Variants in FAM184A observed in about 807,000 individuals in gnomAD.
FAM184A encodes family with sequence similarity 184 member A.
FAM184A carries 99 observed loss-of-function variants against 143.8 expected under a neutral mutation model. The ratio of observed to expected loss-of-function variants is 0.69; its 90% CI spans 0.58 to 0.81. The LOEUF (loss-of-function observed/expected upper bound fraction) is 0.81. Among genes scored for constraint, FAM184A ranks in the 40% least tolerant of loss-of-function variants. FAM184A has a pLI of 0.00. For missense variants in FAM184A, 1,217 were observed against 1,310.5 expected (o/e 0.93, Z 1.10); for synonymous variants, 427 against 446.4 (o/e 0.96, Z 0.55).
At chr6:119,108,198 T>C (rs971376138) in intron 1 of FAM184A, among the ~76,000 whole-genome samples, 1 of 151,418 alleles carries the variant, frequency 6.6e-6, no homozygotes, top group African/African-American at 2.4e-5. Context: ...TTTTCTTCCT[T>C]GTTTGTAGTA....
At position 119,112,623 on chromosome 6, in the gene FAM184A, TC is replaced by T. The variant is rs554353184; in HGVS notation, c.-202+36454del. 1.9e-3 allele frequency among the ~76,000 whole-genome samples: 284 copies of T among 152,338 alleles called. 2 individuals are homozygous for T. The highest frequency in any genetic ancestry group is 6.7e-3 in the African/African-American group (277 of 41,570). On this transcript the variant is annotated intron_variant, in intron 1 of 16. Transcript: ENST00000352896. Reference sequence around the variant, plus strand: ...TCCACCCCCACACTTGCAATTCAGATCGTCAGTGGCTATTACCTGTTATACC... The same window carrying T: ...TCCACCCCCACACTTGCAATTCAGATGTCAGTGGCTATTACCTGTTATACC...
chr6:119,146,005 T>A (rs1392855925), intron 1 of FAM184A, among the ~76,000 whole-genome samples: 3 of 152,170 alleles, frequency 2.0e-5, no homozygotes, highest in Non-Finnish European at 4.4e-5. Flanking sequence ...CACAGGTATT[T>A]CCCCAAATGT....
intron 5 of FAM184A, among the ~76,000 whole-genome samples, chr6:119,014,626 C>A (rs1279574277): frequency 6.6e-6 from 1 of 152,152 alleles, no homozygotes; most frequent in Non-Finnish European, 1.5e-5. Context: ...AGAACAAAAA[C>A]AGTGTTTCTA....
Position 119,018,497 on chromosome 6 carries a change from G to A in FAM184A, c.1332+1481C>T, listed in dbSNP as rs548303182. Among the ~76,000 whole-genome samples, 4 of 152,316 alleles carry A rather than the reference G, an allele frequency of 2.6e-5. No homozygotes were observed. In the South Asian group the frequency reaches 8.3e-4, roughly 32 times the overall value. ...GCTAAGCAGTCTGGATAGAATACAG[G>A]ATACAAGGTGATAAAGTGGTGAAAG... is the stretch of plus-strand genomic sequence containing the variant. On this transcript the variant is annotated intron_variant, in intron 4 of 17. Transcript: ENST00000338891.
upstream of FAM184A, among the ~76,000 whole-genome samples, chr6:119,082,105 G>A (rs1163740712): frequency 6.6e-6 from 1 of 152,180 alleles, no homozygotes; most frequent in Non-Finnish European, 1.5e-5. Context: ...AGGTCCATGG[G>A]CATAGGCCTG....
At chr6:119,100,729 G>A (rs1009745881) in intron 1 of FAM184A, among the ~76,000 whole-genome samples, 1 of 151,994 alleles carries the variant, frequency 6.6e-6, no homozygotes, top group Non-Finnish European at 1.5e-5. Flanking sequence ...GGCCGAGGTG[G>A]GCAGATGACT....
rs115088593 is a variant in FAM184A, at chr6:118,966,012, C to G, written c.3033+823G>C. Among the ~76,000 whole-genome samples, 819 of 152,238 alleles carry G rather than the reference C, an allele frequency of 5.4e-3. 8 individuals are homozygous for G. The highest frequency in any genetic ancestry group is 0.019 in the African/African-American group (791 of 41,546). ...TTGAAGCAGCACACACTCATCTCTC[C>G]AAAGCCTGCTCCTGGATTCTACCTG... On this transcript the variant is annotated intron_variant, in intron 15 of 17. Coordinates refer to ENST00000338891, the MANE Select transcript of FAM184A (RefSeq NM_024581.6).
At chr6:119,002,574 A>G (rs1175908766) in intron 9 of FAM184A, among the ~76,000 whole-genome samples, 2 of 152,148 alleles carry the variant, frequency 1.3e-5, no homozygotes, top group Non-Finnish European at 2.9e-5. Flanking sequence ...CCCAAACAGT[A>G]TCTAAGGACA....
chr6:119,121,158 GT>G (rs1789203179), intron 1 of FAM184A, among the ~76,000 whole-genome samples: 1 of 151,808 alleles, frequency 6.6e-6, no homozygotes, highest in African/African-American at 2.4e-5. Flanking sequence ...TTGAGACAGG[GT>G]CTCACTCTGT....
At chr6:119,006,185 T>C in intron 7 of FAM184A, 1 of 765,124 alleles carries the variant, frequency 1.3e-6, no homozygotes, top group South Asian at 1.3e-5. Context: ...AGCTGGAAAA[T>C]ACAAGGACGG....
chr6:119,033,888 A>T (rs1027369897), intron 1 of FAM184A, among the ~76,000 whole-genome samples: 3 of 142,000 alleles, frequency 2.1e-5, no homozygotes, highest in Non-Finnish European at 4.5e-5. Flanking sequence ...GCTACCCAGG[A>T]GGCTGAGGCA....
At chr6:118,960,652 G>T in intron 17 of FAM184A, 1 of 414,834 alleles carries the variant, frequency 2.4e-6, no homozygotes, top group Non-Finnish European at 4.3e-6. Flanking sequence ...AATACTCCAG[G>T]AAAGGGAGAA....
intron 1 of FAM184A, among the ~76,000 whole-genome samples, chr6:119,130,272 C>A (rs1789501778): frequency 6.6e-6 from 1 of 152,072 alleles, no homozygotes; most frequent in African/African-American, 2.4e-5. Context: ...AGGGAGCCCC[C>A]AAATCAGAAA....
At chr6:118,986,241 C>T (rs998848503) in intron 9 of FAM184A, among the ~76,000 whole-genome samples, 19 of 151,738 alleles carry the variant, frequency 1.3e-4, no homozygotes, top group African/African-American at 3.1e-4. Context: ...TGCAGTGAGC[C>T]GAGATTGCGC....
chr6:119,002,341 A>G (rs1261369563), intron 9 of FAM184A, among the ~76,000 whole-genome samples: 2 of 152,190 alleles, frequency 1.3e-5, no homozygotes, highest in African/African-American at 4.8e-5. Context: ...AAATGTGCAA[A>G]TTCTTTTAAT....
rs1785382155 is a variant in FAM184A at position 119,019,861 on chromosome 6, T to C, written c.1332+117A>G. 4.4e-6 allele frequency: 4 copies of C among 912,278 alleles called. No homozygotes were observed. In the South Asian group the frequency reaches 9.3e-5, roughly 21 times the overall value. 56.5% of individuals were successfully genotyped at this position (912,278 alleles called of 1,614,324 possible). ...CAAAATTAGAACCAAAAATAACTAC[T>C]AAAGTAGGAAATGTATTGTTACTGG... On this transcript the variant is annotated intron_variant, in intron 4 of 17. Coordinates refer to ENST00000338891, the MANE Select transcript of FAM184A (RefSeq NM_024581.6).
At position 119,002,946 on chromosome 6, in the gene FAM184A, C is replaced by G. The variant is rs1011569741; in HGVS notation, c.2041G>C (p.Ala681Pro). 7.4e-6 allele frequency: 12 copies of G among 1,612,418 alleles called. No homozygotes were observed. In the African/African-American group the frequency reaches 1.1e-4, roughly 14 times the overall value. Residue 681 changes from alanine (A) to proline (P), a missense_variant, in exon 9 of 18, where the codon GCA becomes CCA. Ala to Pro is a conservative substitution (Grantham distance 27, BLOSUM62 -1). Coordinates refer to ENST00000338891, the MANE Select transcript of FAM184A (RefSeq NM_024581.6). ...LLQLKDREKN[A>P]ARDSWQKKVE... Reference sequence around the variant, plus strand: ...TTCTTCTGCCATGAATCTCTTGCTGCATTTTTCTCTCGATCTTTCAACTGC... The same window carrying G: ...TTCTTCTGCCATGAATCTCTTGCTGGATTTTTCTCTCGATCTTTCAACTGC...
chr6:119,020,206 T>C (rs1785396939), intron 3 of FAM184A, 47 bp from the exon 4 acceptor site: 2 of 1,423,062 alleles, frequency 1.4e-6, no homozygotes, highest in African/African-American at 2.9e-5. Context: ...TCAGTTGTAC[T>C]ATGAGATAAA....
At chr6:119,100,211 T>C (rs1316611149) in intron 1 of FAM184A, among the ~76,000 whole-genome samples, 1 of 151,992 alleles carries the variant, frequency 6.6e-6, no homozygotes, top group Non-Finnish European at 1.5e-5. Context: ...CCAGGAACTA[T>C]GGTGAGGGAG....
Sources: allele counts gnomAD v4.1 joint callset (sites outside exome capture counted in the v4.1 genomes callset), GRCh38; gene constraint gnomAD v4.1.1; transcripts MANE v1.5; gene names NCBI Gene and HGNC (gene_info 2026-07-23, HGNC 2026-07-21).